ARMH3: variants seen among roughly 807,000 people sequenced by gnomAD.
ARMH3 encodes the protein armadillo-like helical domain-containing protein 3.
In ARMH3, 60 loss-of-function variants were observed where a neutral mutation model predicts 99.1. The ratio of observed to expected loss-of-function variants is 0.61; its 90% CI spans 0.49 to 0.75. ARMH3 has a LOEUF of 0.75. Ranked by LOEUF, ARMH3 falls within the 30% of genes least tolerant of loss-of-function variation. The probability of loss-of-function intolerance (pLI) is 0.00; values close to 1 mark genes in which losing one functional copy is unlikely to be tolerated. For synonymous variants in ARMH3, 285 were observed against 292.8 expected (o/e 0.97, Z 0.27); for missense variants, 679 against 843.1 (o/e 0.81, Z 2.41).
chr10:101,889,275 C>T, intron 24 of ARMH3, 137 bp downstream of exon 24: 1 of 840,052 alleles, frequency 1.2e-6, no homozygotes. Context: ...CAACCAACCC[C>T]ACACTAATTC....
chr10:101,870,406 A>G (rs2067106148), intron 24 of ARMH3, among the ~76,000 whole-genome samples: 1 of 152,238 alleles, frequency 6.6e-6, no homozygotes, highest in Admixed American at 6.5e-5. Flanking sequence ...TATGCATTTT[A>G]CTTTGAAACA....
rs534437991 is a variant in ARMH3 at position 102,018,938 on chromosome 10, C to T, written c.669+4539G>A. Among the ~76,000 whole-genome samples, 31 of 151,830 alleles carry T rather than the reference C, an allele frequency of 2.0e-4. No homozygotes were observed. The East Asian group carries it at 2.7e-3, about 13-fold the overall frequency. On this transcript the variant is annotated intron_variant, in intron 8 of 25. Transcript: ENST00000370033. ...TGCCATTGCACTCCATCCTGGGCAA[C>T]GGAGTGAGACTCCGTCTCAAAAAAA...
At chr10:102,022,582 T>C (rs1295552224) in intron 8 of ARMH3, among the ~76,000 whole-genome samples, 1 of 149,300 alleles carries the variant, frequency 6.7e-6, no homozygotes, top group Non-Finnish European at 1.5e-5. Context: ...AGATCCAGAA[T>C]TTTTTTCTTT....
intron 24 of ARMH3, among the ~76,000 whole-genome samples, chr10:101,884,324 T>C (rs1383632931): frequency 6.6e-6 from 1 of 152,200 alleles, no homozygotes; most frequent in Non-Finnish European, 1.5e-5. Flanking sequence ...ATTCCTTGGC[T>C]GATCAATTTT....
At chr10:101,991,484 G>A (rs941020717) in intron 18 of ARMH3, among the ~76,000 whole-genome samples, 3 of 152,022 alleles carry the variant, frequency 2.0e-5, no homozygotes, top group South Asian at 2.1e-4. Flanking sequence ...GGGTTCAAGC[G>A]ATTCTCCTGC....
At chr10:102,035,623 C>A (rs1427229516) in intron 2 of ARMH3, among the ~76,000 whole-genome samples, 1 of 152,246 alleles carries the variant, frequency 6.6e-6, no homozygotes, top group African/African-American at 2.4e-5. Flanking sequence ...CCGGGCTGGT[C>A]TCCAGCTCCT....
intron 24 of ARMH3, among the ~76,000 whole-genome samples, chr10:101,887,090 A>G (rs1038711488): frequency 2.0e-5 from 3 of 152,208 alleles, no homozygotes; most frequent in Non-Finnish European, 4.4e-5. Flanking sequence ...CACATGCTGG[A>G]GATTAACAAG....
intron 22 of ARMH3, among the ~76,000 whole-genome samples, chr10:101,948,446 G>C (rs562064113): frequency 6.6e-6 from 1 of 152,172 alleles, no homozygotes; most frequent in African/African-American, 2.4e-5. Flanking sequence ...AATTTAAAAA[G>C]CCAAAGTGGC....
At chr10:101,849,743 C>G (rs376015373) in intron 25 of ARMH3, 33 bp downstream of exon 25, 4 of 1,593,348 alleles carry the variant, frequency 2.5e-6, no homozygotes, top group Non-Finnish European at 3.4e-6. Flanking sequence ...GGGCGGGCCC[C>G]TAAGACACAG....
intron 23 of ARMH3, among the ~76,000 whole-genome samples, chr10:101,939,602 T>TTTTC (rs1844146595): frequency 6.6e-6 from 1 of 152,140 alleles, no homozygotes; most frequent in Admixed American, 6.5e-5. Context: ...CTCTGGCAAC[T>TTTTC]AGCATGCCTG....
chr10:101,881,142 C>A (rs1379611932), intron 24 of ARMH3, among the ~76,000 whole-genome samples: 1 of 152,134 alleles, frequency 6.6e-6, no homozygotes, highest in African/African-American at 2.4e-5. Context: ...ATGTCTTATA[C>A]AACATTATAC....
chr10:101,998,398 A>G (rs1009351874), intron 15 of ARMH3, among the ~76,000 whole-genome samples: 5 of 152,312 alleles, frequency 3.3e-5, no homozygotes, highest in Admixed American at 3.3e-4. Flanking sequence ...GCAGCTCCCA[A>G]TGGACTGTTT....
intron 23 of ARMH3, among the ~76,000 whole-genome samples, chr10:101,916,770 A>G (rs866280785): frequency 6.6e-6 from 1 of 152,238 alleles, no homozygotes; most frequent in Non-Finnish European, 1.5e-5. Flanking sequence ...CCTCACCAAT[A>G]TAAGCAGCCA....
intron 2 of ARMH3, among the ~76,000 whole-genome samples, chr10:102,036,865 A>AT (rs1339351781): frequency 1.3e-5 from 2 of 149,622 alleles, no homozygotes; most frequent in African/African-American, 2.4e-5. Context: ...AGAATGATCA[A>AT]TAAAAAAAAA....
intron 11 of ARMH3, among the ~76,000 whole-genome samples, chr10:102,010,688 C>G (rs539935542): frequency 6.6e-6 from 1 of 152,286 alleles, no homozygotes; most frequent in East Asian, 1.9e-4. Context: ...AAACTATACA[C>G]AAACCTATGC....
At chr10:101,990,040 A>G (rs1203766929) in intron 19 of ARMH3, among the ~76,000 whole-genome samples, 1 of 152,186 alleles carries the variant, frequency 6.6e-6, no homozygotes, top group Non-Finnish European at 1.5e-5. Context: ...GATCATGCGG[A>G]TATGTGCAGA....
In ARMH3 at chr10:101,847,578, G is replaced by C; in HGVS notation, c.2020C>G (p.His674Asp). ...AGCAGGACTTCTTGGCTGAGTGTGTGGAAGGCCAGGTTTCTCCGGACGTTG... is the reference window on the plus strand; with the variant it reads ...AGCAGGACTTCTTGGCTGAGTGTGTCGAAGGCCAGGTTTCTCCGGACGTTG... ...STNVRRNLAF[H>D]TLSQEVLLKE... Residue 674 changes from histidine (H) to aspartate (D), a missense_variant, in exon 26 of 26, where the codon CAC becomes GAC. Transcript: ENST00000370033. 2 of 1,614,178 alleles carry C rather than the reference G, an allele frequency of 1.2e-6. No individual in the cohort carries two copies. The highest frequency in any genetic ancestry group is 1.7e-6 in the Non-Finnish European group (2 of 1,180,024).
rs1192330343 is a variant in ARMH3, at chr10:101,938,795, T to C, written c.1781+1068A>G. ...GCATTTATTTGTGAGATTTATAAAA[T>C]TGTGTTTGATGCAAAATGAGTCTGG... is the stretch of plus-strand genomic sequence containing the variant. On this transcript the variant is annotated intron_variant, in intron 23 of 25. Coordinates refer to ENST00000370033, the MANE Select transcript of ARMH3 (RefSeq NM_024541.3). 2.6e-5 allele frequency among the ~76,000 whole-genome samples: 4 copies of C among 152,348 alleles called. 1 individual carries two copies. The highest frequency in any genetic ancestry group is 7.2e-5 in the African/African-American group (3 of 41,578).
At chr10:101,951,651 G>C (rs1427407766) in intron 22 of ARMH3, among the ~76,000 whole-genome samples, 1 of 152,076 alleles carries the variant, frequency 6.6e-6, no homozygotes, top group Non-Finnish European at 1.5e-5. Flanking sequence ...CAAATCACTT[G>C]AGGTTGGGAG....
Sources: allele counts gnomAD v4.1 joint callset (sites outside exome capture counted in the v4.1 genomes callset), GRCh38; gene constraint gnomAD v4.1.1; transcripts MANE v1.5; gene names NCBI Gene and HGNC (gene_info 2026-07-23, HGNC 2026-07-21).